Variants in CDHR1 observed in about 807,000 individuals in gnomAD.
The protein encoded by CDHR1 is cadherin related family member 1, also known as cadherin-related family member 1.
CDHR1 carries 61 observed loss-of-function variants against 72.1 expected under a neutral mutation model. The ratio of observed to expected loss-of-function variants is 0.85; its 90% confidence interval spans 0.69 to 1.05. The LOEUF is 1.05. CDHR1 is among the 50% of genes least tolerant of loss of function. The pLI, the probability that CDHR1 is intolerant of heterozygous loss-of-function variation, is 0.00. For synonymous variants in CDHR1, 470 were observed against 448.1 expected, an observed-to-expected ratio of 1.05 and a Z score of -0.62; for missense variants, 1,186 against 1,115.7, an observed-to-expected ratio of 1.06 and a Z score of -0.90.
Position 84,216,189 on chromosome 10 carries a change from C to A in CDHR1, c.*1568C>A. On this transcript the variant is annotated 3_prime_UTR_variant, in exon 17 of 17. Transcript: ENST00000623527. ...TGCATTTGGCTCTACTTACTAACAA[C>A]CCCTCTAGAATACATTGGTGATTTC... 2.0e-6 allele frequency: 2 copies of A among 985,424 alleles called. No individual in the cohort carries two copies. The highest frequency in any genetic ancestry group is 2.4e-6 in the Non-Finnish European group (2 of 829,928). 61.0% of individuals were successfully genotyped at this position (985,424 alleles called of 1,614,324 possible).
At chr10:84,219,019 G>T, downstream of CDHR1, 1 of 708,528 alleles carries the variant, frequency 1.4e-6, no homozygotes. Context: ...GGTAAGGACT[G>T]TTATTATCCC....
intron 4 of CDHR1, 72 bp from the exon 5 acceptor site, chr10:84,198,960 T>C (rs1425733152): frequency 2.7e-6 from 3 of 1,100,848 alleles, no homozygotes; most frequent in South Asian, 2.7e-5. Flanking sequence ...ATTGGAGTGA[T>C]AGAGGTCGCT....
At chr10:84,204,839 C>T (rs936222026) in intron 9 of CDHR1, among the ~76,000 whole-genome samples, 4 of 152,192 alleles carry the variant, frequency 2.6e-5, no homozygotes, top group East Asian at 1.9e-4. Context: ...GAGAGCAACA[C>T]GGAGGTGCTA....
chr10:84,203,622 G>A (rs1842171250), intron 8 of CDHR1, among the ~76,000 whole-genome samples: 1 of 152,158 alleles, frequency 6.6e-6, no homozygotes, highest in Non-Finnish European at 1.5e-5. Context: ...CACCATGTTG[G>A]CCAGGCTGTT....
rs1842012483 is a variant in CDHR1 at position 84,195,498 on chromosome 10, G to A, written c.60G>A (p.Gln20=). The A allele has an allele frequency of 6.2e-7, 1 of 1,613,926 alleles. No individual in the cohort carries two copies. ...TGTTCTGTGTTCTTTTTCCAGCTCA[G>A]GCCAACTTCGCCCCGCACTTCTTCG... ...ALGLLRLCLA[Q]ANFAPHFFDN... Residue 20 remains glutamine, a synonymous_variant, in exon 2 of 17, where the codon CAG becomes CAA. Transcript: ENST00000623527.
In CDHR1 at chr10:84,208,168, T is replaced by A. The variant is rs770345234; in HGVS notation, c.964-6T>A. On this transcript the variant is annotated splice_polypyrimidine_tract_variant and splice_region_variant and intron_variant, in intron 10 of 16. Coordinates refer to ENST00000623527, the MANE Select transcript of CDHR1 (RefSeq NM_033100.4). ...ACACAGCCATAGCCACTTGTCCCCA[T>A]CCCAGGTGACTGAAATGAGCCCTGC... The A allele has an allele frequency of 7.4e-6, 12 of 1,613,780 alleles. No individual in the cohort carries two copies. The South Asian group carries it at 9.9e-5, about 13-fold the overall frequency.
chr10:84,205,759 T>C, intron 9 of CDHR1, 68 bp from the exon 10 acceptor site: 1 of 1,043,436 alleles, frequency 9.6e-7, no homozygotes, highest in South Asian at 1.3e-5. Flanking sequence ...AGGACGATCC[T>C]GTGGCACGAC....
At chr10:84,205,986 G>T (rs974822122) in intron 10 of CDHR1, 59 bp downstream of exon 10, 229 of 1,319,310 alleles carry the variant, frequency 1.7e-4, no homozygotes, top group Non-Finnish European at 2.4e-4. Context: ...GTCTATAAAG[G>T]TGAAGACACC....
rs202154231 is a variant in CDHR1, at chr10:84,195,521, T to G, written c.83T>G (p.Phe28Cys). ...CAGGCCAACTTCGCCCCGCACTTCT[T>G]CGACAACGGGGTCGGCAGCACCAAC... is the stretch of plus-strand genomic sequence containing the variant. ...LAQANFAPHF[F>C]DNGVGSTNGN... Residue 28 changes from phenylalanine (F) to cysteine (C), a missense_variant, in exon 2 of 17, where the codon TTC becomes TGC. Physicochemically the swap from Phe to Cys is radical, Grantham distance 205. Transcript: ENST00000623527. The G allele has an allele frequency of 6.2e-7, 1 of 1,614,168 alleles. No homozygotes were observed. Among genetic ancestry groups the G allele is most frequent in the Non-Finnish European group, 8.5e-7 (1 of 1,180,000 alleles).
At chr10:84,209,649 A>G (rs1842293506) in intron 12 of CDHR1, among the ~76,000 whole-genome samples, 1 of 151,988 alleles carries the variant, frequency 6.6e-6, no homozygotes, top group African/African-American at 2.4e-5. Flanking sequence ...CAAAAAAAAA[A>G]AAAAAGAAAC....
intron 9 of CDHR1, among the ~76,000 whole-genome samples, chr10:84,205,514 T>TCACACACACACACACACACA (rs33921515): frequency 1.4e-4 from 20 of 145,118 alleles, no homozygotes; most frequent in Admixed American, 1.0e-3. Context: ...TCTCTTTTCT[T>TCACACACACACACACACACA]CACACACACA....
chr10:84,195,111 G>GA, intron 1 of CDHR1, among the ~76,000 whole-genome samples: 1 of 152,240 alleles, frequency 6.6e-6, no homozygotes, highest in Admixed American at 6.5e-5. Context: ...TGTAGGCTTG[G>GA]TGGCAGCTCC....
chr10:84,212,544 A>G (rs1363182872), intron 15 of CDHR1, 137 bp downstream of exon 15: 1 of 713,330 alleles, frequency 1.4e-6, no homozygotes, highest in Non-Finnish European at 2.5e-6. Flanking sequence ...GACATTTTGT[A>G]TATCCCCATC....
chr10:84,212,844 G>A (rs1035283313), intron 15 of CDHR1: 2 of 597,398 alleles, frequency 3.3e-6, no homozygotes, highest in Non-Finnish European at 3.0e-6. Context: ...CTGTAATATG[G>A]ATTCACCAAT....
At chr10:84,205,089 T>C (rs1407204284) in intron 9 of CDHR1, among the ~76,000 whole-genome samples, 2 of 152,158 alleles carry the variant, frequency 1.3e-5, no homozygotes, top group Non-Finnish European at 2.9e-5. Context: ...GTTTCCATCA[T>C]TGTATTTGAA....
At position 84,215,119 on chromosome 10, in the gene CDHR1, A is replaced by G. The variant is rs1255911152; in HGVS notation, c.*498A>G. On this transcript the variant is annotated 3_prime_UTR_variant, in exon 17 of 17. Coordinates refer to ENST00000623527, the MANE Select transcript of CDHR1 (RefSeq NM_033100.4). ...CACTGTCTCAGGCTGGAGGTCAGCGAACCTCGTGGGCTGTAGGAAAGCAAA... is the reference window on the plus strand; with the variant it reads ...CACTGTCTCAGGCTGGAGGTCAGCGGACCTCGTGGGCTGTAGGAAAGCAAA... 1.7e-5 allele frequency: 17 copies of G among 1,023,568 alleles called. No individual in the cohort carries two copies. The Admixed American group carries it at 3.6e-4, about 22-fold the overall frequency. 63.4% of individuals were successfully genotyped at this position (1,023,568 alleles called of 1,614,324 possible). A position where few individuals can be genotyped will look rare whatever the true frequency, so the allele number is the denominator to read the frequency against.
Position 84,205,830 on chromosome 10 carries a change from ACG to A in CDHR1, c.867_868del (p.Asn289LysfsTer5), listed in dbSNP as rs767424955. The A allele has an allele frequency of 1.9e-6, 3 of 1,613,152 alleles. No homozygotes were observed. The highest frequency in any genetic ancestry group is 1.7e-6 in the Non-Finnish European group (2 of 1,179,286). On this transcript the variant is annotated frameshift_variant, in exon 10 of 17. Coordinates refer to ENST00000623527, the MANE Select transcript of CDHR1 (RefSeq NM_033100.4). LOFTEE classifies it high-confidence loss of function. ...CAGGGTGCATCTCCCTTGACAGGGA[ACG>A]ATGGAGCCTTTGAAATTAATGAGAC...
chr10:84,206,026 G>A (rs1359028850), intron 10 of CDHR1, 99 bp downstream of exon 10: 2 of 851,740 alleles, frequency 2.3e-6, no homozygotes, highest in Non-Finnish European at 3.9e-6. Context: ...CCCATAGTCT[G>A]GGGAGGGGGC....
downstream of CDHR1, chr10:84,219,037 C>T: frequency 2.7e-6 from 2 of 738,352 alleles, no homozygotes; most frequent in Non-Finnish European, 4.4e-6. Context: ...CCCCATTTTA[C>T]AGGTGAGAAC....
Sources: allele counts gnomAD v4.1 joint callset (sites outside exome capture counted in the v4.1 genomes callset), GRCh38; gene constraint gnomAD v4.1.1; transcripts MANE v1.5; gene names NCBI Gene and HGNC (gene_info 2026-07-23, HGNC 2026-07-21).